Variants in SBF1 observed in about 807,000 individuals in gnomAD.
SBF1 encodes myotubularin-related protein 5.
In SBF1, 65 loss-of-function variants were observed where a neutral mutation model predicts 215.8. The observed-to-expected ratio is 0.30, with a 90% CI of 0.25 to 0.37. The LOEUF (loss-of-function observed/expected upper bound fraction) is 0.37, where lower values mean the gene tolerates loss of function less well. SBF1 is among the 10% of genes least tolerant of loss of function. The pLI is 1.00. For synonymous variants in SBF1, 1,410 were observed against 1,122.8 expected (o/e 1.26, Z -5.11); for missense variants, 2,634 against 2,667.8 (o/e 0.99, Z 0.28).
At chr22:50,473,338 C>T (rs1278717580) in intron 1 of SBF1, among the ~76,000 whole-genome samples, 2 of 152,184 alleles carry the variant, frequency 1.3e-5, no homozygotes, top group Admixed American at 1.3e-4. Context: ...CCCTCTGCCC[C>T]AGGTGGTAAG....
chr22:50,453,383 G>A (rs76437768), intron 36 of SBF1, among the ~76,000 whole-genome samples: 14,522 of 152,190 alleles, frequency 0.095, 922 homozygotes, highest in African/African-American at 0.18. Context: ...CAAACCCTGT[G>A]CCCCATGCTA....
chr22:50,469,943 G>T (rs1026794449), intron 1 of SBF1, among the ~76,000 whole-genome samples: 10 of 152,182 alleles, frequency 6.6e-5, no homozygotes, highest in African/African-American at 2.4e-4. Flanking sequence ...GGGAGATGGT[G>T]GGGCGGTGAG....
rs142088826 is a variant in SBF1, at chr22:50,474,926, G to A, written c.-86C>T. 0.014 allele frequency: 13,599 copies of A among 999,214 alleles called. 1,369 individuals are homozygous for A. In the African/African-American group the frequency reaches 0.21, roughly 16 times the overall value. The allele number at this position is 999,214 out of a possible 1,614,324, so 61.9% of individuals were successfully genotyped here. A position where few individuals can be genotyped will look rare whatever the true frequency, so the allele number is the denominator to read the frequency against. Reference sequence around the variant, plus strand: ...GACGGCGCGCTCATGGCCCGGCCCCGGCCCTGGACCGCGCACCCCGGACAC... The same window carrying A: ...GACGGCGCGCTCATGGCCCGGCCCCAGCCCTGGACCGCGCACCCCGGACAC... On this transcript the variant is annotated 5_prime_UTR_variant, in exon 1 of 41. Transcript: ENST00000380817.
rs192771726 is a variant in SBF1 at position 50,447,366 on chromosome 22, T to C, written c.5539A>G (p.Thr1847Ala). The C allele has an allele frequency of 2.1e-3, 3,333 of 1,613,978 alleles. 57 individuals carry two copies. The African/African-American group carries it at 0.039, about 19-fold the overall frequency. ...EVEAVAPGTP[T>A]MGAPKTVDEK... ...TCCACAGTCTTAGGGGCACCCATAG[T>C]GGGCGTGCCAGGTGCCACAGCCTCC... The change falls in exon 40 of 41, where the codon ACT becomes GCT. Residue 1847 changes from threonine (T) to alanine (A), a missense_variant. Physicochemically the swap from Thr to Ala is moderately conservative, Grantham distance 58 (BLOSUM62 0). Transcript: ENST00000380817.
chr22:50,456,905 G>A, intron 29 of SBF1, 129 bp downstream of exon 29: 1 of 835,058 alleles, frequency 1.2e-6, no homozygotes, highest in South Asian at 2.1e-5. Flanking sequence ...GTAAGGACTG[G>A]GGCTCGGGAG....
chr22:50,449,072 G>A (rs765149712), intron 36 of SBF1, among the ~76,000 whole-genome samples: 5 of 151,992 alleles, frequency 3.3e-5, no homozygotes, highest in African/African-American at 4.8e-5. Context: ...GGTGGCGCAC[G>A]CCTGTAGGAG....
chr22:50,474,435 G>GAGGCCGGGC (rs570873390), intron 1 of SBF1, among the ~76,000 whole-genome samples: 4 of 152,188 alleles, frequency 2.6e-5, no homozygotes, highest in African/African-American at 7.2e-5. Context: ...CCACCCCAAG[G>GAGGCCGGGC]AGGCCGGGCA....
chr22:50,448,206 A>T (rs1194487170), intron 38 of SBF1, 27 bp downstream of exon 38: 8 of 1,603,042 alleles, frequency 5.0e-6, no homozygotes, highest in Non-Finnish European at 6.8e-6. Flanking sequence ...AGAGGTGTCC[A>T]TGTGGCAGTG....
At position 50,447,593 on chromosome 22, in the gene SBF1, G is replaced by A. The variant is rs2066883847; in HGVS notation, c.5380C>T (p.Leu1794=). The change falls in exon 39 of 41, where the codon CTG becomes TTG. Residue 1794 remains leucine (L), a synonymous_variant. Coordinates refer to ENST00000380817, the MANE Select transcript of SBF1 (RefSeq NM_002972.4). ...TTCATGAAGGCCCCCTTCTTGTACAGAGTGCCCTCGTAGGACCTGCATTTC... is the reference window on the plus strand; with the variant it reads ...TTCATGAAGGCCCCCTTCTTGTACAAAGTGCCCTCGTAGGACCTGCATTTC... ...ESENRSYEGT[L]YKKGAFMKPW... is the part of the protein sequence containing the mutation. The A allele has an allele frequency of 8.7e-6, 14 of 1,611,292 alleles. No individual in the cohort carries two copies. In the East Asian group the frequency reaches 3.1e-4, roughly 36 times the overall value.
In SBF1 at chr22:50,462,486, C is replaced by G. The variant is rs754689135; in HGVS notation, c.2128-13G>C. On this transcript the variant is annotated splice_polypyrimidine_tract_variant and intron_variant, in intron 18 of 40. Coordinates refer to ENST00000380817, the MANE Select transcript of SBF1 (RefSeq NM_002972.4). Reference sequence around the variant, plus strand: ...CCTCCCCAACCTCCTGCCACGGCACCACACGCATGAGCCGGGGCCACGCTG... The same window carrying G: ...CCTCCCCAACCTCCTGCCACGGCACGACACGCATGAGCCGGGGCCACGCTG... The G allele has an allele frequency of 3.0e-5, 49 of 1,612,840 alleles. No individual in the cohort carries two copies. Among genetic ancestry groups the G allele is most frequent in the Non-Finnish European group, 3.7e-5 (44 of 1,179,714 alleles).
Position 50,445,471 on chromosome 22 carries a change from CCCGCTCAG to C in SBF1, c.*1663_*1670del, listed in dbSNP as rs2066765472. The C allele has an allele frequency of 6.6e-6, 1 of 152,278 alleles. No homozygotes were observed. The highest frequency in any genetic ancestry group is 1.9e-4 in the East Asian group (1 of 5,204). 9.4% of individuals were successfully genotyped at this position (152,278 alleles called of 1,614,324 possible). A position where few individuals can be genotyped will look rare whatever the true frequency, so the allele number is the denominator to read the frequency against. The stretch of plus-strand genomic sequence containing the variant: ...CCACCACGGTTGGGGGTGGAGGGAA[CCCGCTCAG>C]CTCCCCAGAGGCCGAGTCTCTGCCC... On this transcript the variant is annotated 3_prime_UTR_variant, in exon 41 of 41. Transcript: ENST00000380817.
chr22:50,465,488 C>T lies in SBF1; in HGVS notation c.1090-160G>A, dbSNP rs114780205. Among the ~76,000 whole-genome samples, 446 of 152,278 alleles carry T rather than the reference C, an allele frequency of 2.9e-3. 2 individuals carry two copies. Among genetic ancestry groups the T allele is most frequent in the African/African-American group, 9.9e-3 (410 of 41,550 alleles). On this transcript the variant is annotated intron_variant, in intron 10 of 40. Coordinates refer to ENST00000380817, the MANE Select transcript of SBF1 (RefSeq NM_002972.4). ...CTCAGGGCCACCAGCTCCTCTGAAA[C>T]TGTCTGGACAAGGCACTCCTGGCTC...
At chr22:50,472,600 G>A (rs973930230) in intron 1 of SBF1, among the ~76,000 whole-genome samples, 8 of 152,180 alleles carry the variant, frequency 5.3e-5, no homozygotes, top group Admixed American at 1.3e-4. Flanking sequence ...ACGGCAGCCT[G>A]GGAGGTTAGC....
intron 31 of SBF1, chr22:50,455,940 G>A: frequency 3.6e-6 from 2 of 553,354 alleles, no homozygotes; most frequent in South Asian, 2.4e-5. Context: ...ACCATAAACT[G>A]CATCCCCCGT....
rs561411708 is a variant in SBF1 at position 50,467,553 on chromosome 22, G to A, written c.417C>T (p.Leu139=). 97 of 1,614,156 alleles carry A rather than the reference G, an allele frequency of 6.0e-5. No homozygotes were observed. Among genetic ancestry groups the A allele is most frequent in the Middle Eastern group, 1.6e-4 (1 of 6,062 alleles). The part of the protein sequence containing the change: ...APKTLVLVSR[L]DHTEVFRNSL... ...TCACCCTGAACACCTCCGTGTGGTC[G>A]AGTCGCGACACCAGTACCAGCGTCT... The change falls in exon 4 of 41, where the codon CTC becomes CTT. Residue 139 remains leucine (L), a synonymous_variant. Transcript: ENST00000380817.
chr22:50,466,493 A>T lies in SBF1; in HGVS notation c.656-11T>A. ...GCACGTTGGTGATGCCTAAAGGAAG[A>T]AGAGAAGCTTGGAGAGGACCCTGGG... On this transcript the variant is annotated splice_polypyrimidine_tract_variant and intron_variant, in intron 6 of 40. Transcript: ENST00000380817. 2 of 1,540,112 alleles carry T rather than the reference A, an allele frequency of 1.3e-6. 1 individual carries two copies. The highest frequency in any genetic ancestry group is 2.4e-5 in the South Asian group (2 of 83,454).
intron 2 of SBF1, 106 bp downstream of exon 2, chr22:50,468,270 C>A: frequency 1.8e-6 from 2 of 1,098,914 alleles, no homozygotes; most frequent in Non-Finnish European, 2.6e-6. Context: ...CCTAGCCCAG[C>A]GGGGGGCCGG....
chr22:50,446,045 C>T lies in SBF1; in HGVS notation c.*1097G>A, dbSNP rs552257960. On this transcript the variant is annotated 3_prime_UTR_variant, in exon 41 of 41. Coordinates refer to ENST00000380817, the MANE Select transcript of SBF1 (RefSeq NM_002972.4). ...TGGCCTTTGCAGCGTCTATAACCCTCCCCACCTTCTGCTCCTGCACCCCTG... is the reference window on the plus strand; with the variant it reads ...TGGCCTTTGCAGCGTCTATAACCCTTCCCACCTTCTGCTCCTGCACCCCTG... The T allele has an allele frequency of 6.5e-6, 1 of 153,468 alleles. No homozygotes were observed. The highest frequency in any genetic ancestry group is 1.4e-5 in the Non-Finnish European group (1 of 69,040). 9.5% of individuals were successfully genotyped at this position (153,468 alleles called of 1,614,324 possible).
In SBF1 at chr22:50,455,905, C is replaced by T. The variant is rs539275798; in HGVS notation, c.4266+311G>A. ...CCAGCATCCTGTCAGTACCCACCCC[C>T]GAGAGAATGCAGCAGGGGCCCAGAA... On this transcript the variant is annotated intron_variant, in intron 31 of 40. Coordinates refer to ENST00000380817, the MANE Select transcript of SBF1 (RefSeq NM_002972.4). 1.1e-4 allele frequency: 60 copies of T among 560,464 alleles called. 1 individual carries two copies. The highest frequency in any genetic ancestry group is 9.9e-4 in the East Asian group (33 of 33,420). The allele number at this position is 560,464 out of a possible 1,614,324, so 34.7% of individuals were successfully genotyped here. A position where few individuals can be genotyped will look rare whatever the true frequency, so the allele number is the denominator to read the frequency against.
Sources: gnomAD v4.1 joint callset for allele counts (sites outside exome capture counted in the v4.1 genomes callset) on GRCh38, gnomAD v4.1.1 for gene constraint, MANE v1.5 for transcripts, NCBI Gene and HGNC (gene_info 2026-07-23, HGNC 2026-07-21) for gene names.